Variants in SEC63 observed in about 807,000 individuals in gnomAD.
The protein encoded by SEC63 is translocation protein SEC63 homolog.
In SEC63, 56 loss-of-function variants were observed where a neutral mutation model predicts 116.2. The observed-to-expected ratio is 0.48, with a 90% CI of 0.39 to 0.60. SEC63 has a LOEUF of 0.60. Among genes scored for constraint, SEC63 ranks in the 20% least tolerant of loss-of-function variants. SEC63 has a pLI of 0.00. For missense variants in SEC63, 668 were observed against 900.0 expected (o/e 0.74, Z 3.30); for synonymous variants, 273 against 294.6 (o/e 0.93, Z 0.75).
chr6:107,894,442 G>A (rs1786766498), intron 14 of SEC63, among the ~76,000 whole-genome samples: 1 of 152,044 alleles, frequency 6.6e-6, no homozygotes, highest in Non-Finnish European at 1.5e-5. Context: ...GGGAGGCCAA[G>A]GCAGGAGGAT....
chr6:107,885,882 A>C (rs987161467), intron 16 of SEC63, among the ~76,000 whole-genome samples: 1 of 152,186 alleles, frequency 6.6e-6, no homozygotes, highest in African/African-American at 2.4e-5. Flanking sequence ...ATTATACTTA[A>C]AGTTCTGGGG....
At chr6:107,939,200 C>T (rs1448555868) in intron 1 of SEC63, among the ~76,000 whole-genome samples, 1 of 151,920 alleles carries the variant, frequency 6.6e-6, no homozygotes, top group Non-Finnish European at 1.5e-5. Flanking sequence ...GGAGGATCAC[C>T]GGAGCCCAGC....
chr6:107,875,776 C>T (rs956985979), intron 19 of SEC63, among the ~76,000 whole-genome samples: 1 of 152,096 alleles, frequency 6.6e-6, no homozygotes, highest in East Asian at 1.9e-4. Context: ...CAATGATATT[C>T]AAAATGTCTG....
intron 16 of SEC63, among the ~76,000 whole-genome samples, chr6:107,885,683 A>C (rs1164817943): frequency 6.6e-6 from 1 of 152,208 alleles, no homozygotes; most frequent in South Asian, 2.1e-4. Flanking sequence ...AAAGGAATTA[A>C]AACAGTTAAG....
At chr6:107,930,435 C>T (rs1461888032) in intron 1 of SEC63, among the ~76,000 whole-genome samples, 1 of 151,184 alleles carries the variant, frequency 6.6e-6, no homozygotes, top group African/African-American at 2.4e-5. Context: ...TGGAGAAACC[C>T]TGTCTCTACC....
intron 1 of SEC63, among the ~76,000 whole-genome samples, chr6:107,934,360 G>A (rs566505238): frequency 1.5e-3 from 224 of 151,010 alleles, no homozygotes; most frequent in Non-Finnish European, 2.2e-3. Context: ...AGTGAGGAGC[G>A]TCTCTGCCCG....
intron 4 of SEC63, among the ~76,000 whole-genome samples, chr6:107,917,487 C>T (rs190066959): frequency 7.2e-4 from 110 of 152,300 alleles, no homozygotes; most frequent in South Asian, 1.2e-3. Context: ...GTCTCTCACT[C>T]TGAATCAAAA....
At chr6:107,946,134 A>G (rs1770476883) in intron 1 of SEC63, among the ~76,000 whole-genome samples, 1 of 151,510 alleles carries the variant, frequency 6.6e-6, no homozygotes, top group Non-Finnish European at 1.5e-5. Flanking sequence ...ACGGGGTTTC[A>G]CCATATTGGC....
intron 16 of SEC63, among the ~76,000 whole-genome samples, chr6:107,884,589 C>A (rs937741820): frequency 1.3e-5 from 2 of 151,928 alleles, no homozygotes; most frequent in African/African-American, 4.8e-5. Context: ...AAACTCCAGG[C>A]CCAGATGGTT....
At chr6:107,874,358 G>T (rs971719685) in intron 19 of SEC63, among the ~76,000 whole-genome samples, 4 of 152,126 alleles carry the variant, frequency 2.6e-5, no homozygotes, top group Non-Finnish European at 5.9e-5. Context: ...ACTTTGGGAG[G>T]CCAAGGCGGG....
chr6:107,882,597 T>C (rs111630041), intron 17 of SEC63, among the ~76,000 whole-genome samples: 6 of 152,166 alleles, frequency 3.9e-5, no homozygotes, highest in South Asian at 4.1e-4. Flanking sequence ...ACAGTAAACA[T>C]GAACTGGAGC....
rs1327637430 is a variant in SEC63, at chr6:107,893,883, C to T, written c.1455G>A (p.Lys485=). The change falls in exon 15 of 21, where the codon AAG becomes AAA. Residue 485 remains lysine, a synonymous_variant. Coordinates refer to ENST00000369002, the MANE Select transcript of SEC63 (RefSeq NM_007214.5). The part of the protein sequence containing the change: ...TRQTMAEVFE[K]EQSICAAEEQ... ...CCTCTGCAGCACAGATGGACTGCTC[C>T]TTTTCAAATACTTCCTGGGGGGCGG... 1 of 1,613,958 alleles carries T rather than the reference C, an allele frequency of 6.2e-7. No homozygotes were observed. Among genetic ancestry groups the T allele is most frequent in the Non-Finnish European group, 8.5e-7 (1 of 1,179,994 alleles).
chr6:107,947,520 C>T (rs1254253991), intron 1 of SEC63, among the ~76,000 whole-genome samples: 1 of 151,764 alleles, frequency 6.6e-6, no homozygotes, highest in Non-Finnish European at 1.5e-5. Context: ...TGCAGTGGAG[C>T]AGTGATGGTG....
chr6:107,877,047 G>A, intron 18 of SEC63: 1 of 197,928 alleles, frequency 5.1e-6, no homozygotes, highest in South Asian at 7.2e-5. Flanking sequence ...AGTTGGAGTG[G>A]AAGGAACATA....
chr6:107,889,665 G>A (rs1786625115), intron 16 of SEC63, among the ~76,000 whole-genome samples: 1 of 151,674 alleles, frequency 6.6e-6, no homozygotes, highest in African/African-American at 2.4e-5. Context: ...TAGTTCTTTT[G>A]TGATGTTAGG....
chr6:107,933,815 T>C (rs1787865158), intron 1 of SEC63, among the ~76,000 whole-genome samples: 2 of 151,944 alleles, frequency 1.3e-5, no homozygotes, highest in South Asian at 4.2e-4. Context: ...CACTGCAACC[T>C]CCCTGCCTGA....
At chr6:107,894,686 C>T (rs1163027176) in intron 14 of SEC63, among the ~76,000 whole-genome samples, 1 of 151,672 alleles carries the variant, frequency 6.6e-6, no homozygotes, top group African/African-American at 2.4e-5. Context: ...TTAAAGCTAA[C>T]AAGTAAAAAG....
At chr6:107,912,021 A>G (rs1412287186) in intron 6 of SEC63, among the ~76,000 whole-genome samples, 1 of 152,240 alleles carries the variant, frequency 6.6e-6, no homozygotes, top group Non-Finnish European at 1.5e-5. Context: ...AAGCTTATGC[A>G]GCAACTGTAT....
chr6:107,937,546 T>C (rs1770283179), intron 1 of SEC63, among the ~76,000 whole-genome samples: 2 of 152,208 alleles, frequency 1.3e-5, no homozygotes, highest in African/African-American at 4.8e-5. Context: ...ACAATTTATT[T>C]TCTTTTAGAT....
Sources: allele counts gnomAD v4.1 joint callset (sites outside exome capture counted in the v4.1 genomes callset), GRCh38; gene constraint gnomAD v4.1.1; transcripts MANE v1.5; gene names NCBI Gene and HGNC (gene_info 2026-07-23, HGNC 2026-07-21).